Variants in SAMD3 observed in about 807,000 individuals in gnomAD.
SAMD3 encodes the protein sterile alpha motif domain-containing protein 3.
Under a neutral mutation model 58.5 loss-of-function variants are expected in SAMD3, and 63 were observed. The ratio of observed to expected loss-of-function variants is 1.08; its 90% CI spans 0.88 to 1.33. The LOEUF (loss-of-function observed/expected upper bound fraction) is 1.33, where lower values mean the gene tolerates loss of function less well. Ranked by LOEUF, SAMD3 falls within the 40% of genes most tolerant of loss-of-function variation. The pLI is 0.00. For synonymous variants in SAMD3, 220 were observed against 210.3 expected, an observed-to-expected ratio of 1.05 and a Z score of -0.40; for missense variants, 604 against 608.4, an observed-to-expected ratio of 0.99 and a Z score of 0.08.
intron 2 of SAMD3, among the ~76,000 whole-genome samples, chr6:130,277,388 G>T (rs970277040): frequency 1.3e-5 from 2 of 152,234 alleles, no homozygotes; most frequent in Admixed American, 6.5e-5. Context: ...AAGGCTAGAA[G>T]CAAGATGGAG....
chr6:130,154,751 A>G (rs1266383132), intron 9 of SAMD3, 74 bp downstream of exon 9: 4 of 445,326 alleles, frequency 9.0e-6, no homozygotes, highest in Middle Eastern at 6.2e-4. Context: ...ATGTATGTAT[A>G]TATAATATTA....
chr6:130,336,727 AG>A (rs1304160112), intron 1 of SAMD3, among the ~76,000 whole-genome samples: 1 of 152,118 alleles, frequency 6.6e-6, no homozygotes, highest in Non-Finnish European at 1.5e-5. Flanking sequence ...CTTTGCTTTG[AG>A]GGTCAGGGTA....
chr6:130,239,980 T>G (rs1773299380), intron 2 of SAMD3, among the ~76,000 whole-genome samples: 1 of 152,160 alleles, frequency 6.6e-6, no homozygotes, highest in African/African-American at 2.4e-5. Context: ...GGGCAGCCAA[T>G]ATCATGTAAA....
chr6:130,294,907 TGA>T lies in SAMD3; in HGVS notation c.-188+18069_-188+18070del, dbSNP rs140950170. Among the ~76,000 whole-genome samples the T allele has an allele frequency of 5.7e-4, 76 of 134,480 alleles. 1 individual carries two copies. Among genetic ancestry groups the T allele is most frequent in the African/African-American group, 2.3e-3 (71 of 31,370 alleles). The allele number at this position is 134,480 out of a possible 152,430, so 88.2% of individuals were successfully genotyped here. ...TGTCTAATTTTTCCATACATTTCTC[TGA>T]TTTTTTTTTTTTTTTTTTTTTTTTT... On this transcript the variant is annotated intron_variant, in intron 2 of 13. Transcript: ENST00000368134.
chr6:130,242,792 A>G (rs1773408064), intron 2 of SAMD3, among the ~76,000 whole-genome samples: 1 of 152,214 alleles, frequency 6.6e-6, no homozygotes, highest in Non-Finnish European at 1.5e-5. Context: ...ATGTGGGGAA[A>G]TGCAGTTGCC....
Position 130,175,999 on chromosome 6 carries a change from T to C in SAMD3, c.664A>G (p.Lys222Glu). Reference sequence around the variant, plus strand: ...TTAAAGCGATCTTTGAGGGCTCGTTTCCATAAAAACTGTAAAATAAAACAG... The same window carrying C: ...TTAAAGCGATCTTTGAGGGCTCGTTCCCATAAAAACTGTAAAATAAAACAG... ...DEDGCGFFLWKRALKDRFKYV... is the reference protein window; with the variant it reads ...DEDGCGFFLWERALKDRFKYV... The change falls in exon 8 of 12, where the codon AAA becomes GAA. Residue 222 changes from lysine to glutamate, a missense_variant. By Grantham distance (56) the Lys-to-Glu change is moderately conservative. Transcript: ENST00000439090. 2.5e-6 allele frequency: 4 copies of C among 1,612,542 alleles called. No homozygotes were observed. Among genetic ancestry groups the C allele is most frequent in the Non-Finnish European group, 3.4e-6 (4 of 1,179,394 alleles).
At chr6:130,190,715 C>T (rs1793464544) in intron 5 of SAMD3, among the ~76,000 whole-genome samples, 1 of 151,884 alleles carries the variant, frequency 6.6e-6, no homozygotes, top group Non-Finnish European at 1.5e-5. Flanking sequence ...AATTGCAGCT[C>T]CTCACAATTT....
chr6:130,146,182 C>G lies in SAMD3; in HGVS notation c.1024-1G>C. 3 of 1,560,428 alleles carry G rather than the reference C, an allele frequency of 1.9e-6. No homozygotes were observed. The highest frequency in any genetic ancestry group is 2.6e-6 in the Non-Finnish European group (3 of 1,154,708). ...TAAGAAGTTGGAATTCTCTGAACATCTGACAAAAGAAGAAAGCAATGGATA... is the reference window on the plus strand; with the variant it reads ...TAAGAAGTTGGAATTCTCTGAACATGTGACAAAAGAAGAAAGCAATGGATA... On this transcript the variant is annotated splice_acceptor_variant, in intron 9 of 11. Transcript: ENST00000439090. LOFTEE classifies it high-confidence loss of function.
At chr6:130,244,346 C>G (rs1490249300) in intron 2 of SAMD3, among the ~76,000 whole-genome samples, 1 of 152,176 alleles carries the variant, frequency 6.6e-6, no homozygotes, top group Non-Finnish European at 1.5e-5. Context: ...GGCTCAAGGT[C>G]ATATGTCTGG....
Position 130,212,029 on chromosome 6 carries a change from T to A in SAMD3, c.269+2308A>T, listed in dbSNP as rs995569343. Among the ~76,000 whole-genome samples the A allele has an allele frequency of 4.0e-5, 6 of 151,632 alleles. No individual in the cohort carries two copies. In the South Asian group the frequency reaches 1.0e-3, roughly 27 times the overall value. On this transcript the variant is annotated intron_variant, in intron 4 of 11. Coordinates refer to ENST00000439090, the MANE Select transcript of SAMD3 (RefSeq NM_001017373.4). The stretch of plus-strand genomic sequence containing the variant: ...GGGTCAGACAAATCTCCAAGGCTAG[T>A]TGAGGGGCTAATATCATAAGAGGGG...
intron 5 of SAMD3, among the ~76,000 whole-genome samples, chr6:130,191,618 T>C (rs1303414269): frequency 7.1e-6 from 1 of 139,864 alleles, no homozygotes; most frequent in Non-Finnish European, 1.6e-5. Flanking sequence ...AACTGTTGCT[T>C]CCTTCCTTTT....
chr6:130,296,880 G>A (rs1358717575), intron 2 of SAMD3, among the ~76,000 whole-genome samples: 2 of 152,112 alleles, frequency 1.3e-5, no homozygotes, highest in Non-Finnish European at 2.9e-5. Context: ...GGGTGTGATA[G>A]GGAAGTGGAT....
At chr6:130,217,579 G>A (rs1796067614) in intron 1 of SAMD3, among the ~76,000 whole-genome samples, 1 of 152,140 alleles carries the variant, frequency 6.6e-6, no homozygotes, top group Non-Finnish European at 1.5e-5. Flanking sequence ...GCCTAAATAT[G>A]GGCAAGCTTT....
chr6:130,145,315 T>C (rs751064654), intron 11 of SAMD3, 25 bp downstream of exon 11: 1 of 1,197,926 alleles, frequency 8.3e-7, no homozygotes, highest in South Asian at 1.8e-5. Flanking sequence ...AATGTCAAAC[T>C]AGTGGCCATT....
exon 1 of SAMD3, chr6:130,365,161 AATTAGAGACGAC>A: frequency 1.0e-6 from 1 of 985,014 alleles, no homozygotes; most frequent in Non-Finnish European, 1.2e-6. Context: ...GTCTTTGCCG[AATTAGAGACGAC>A]ATATTTTACT....
chr6:130,339,116 A>G (rs1413797236), intron 1 of SAMD3, among the ~76,000 whole-genome samples: 1 of 152,022 alleles, frequency 6.6e-6, no homozygotes, highest in Non-Finnish European at 1.5e-5. Flanking sequence ...GCACAATCTC[A>G]GCTCACTGCA....
intron 5 of SAMD3, among the ~76,000 whole-genome samples, chr6:130,197,937 G>GC (rs1794291808): frequency 6.6e-6 from 1 of 152,032 alleles, no homozygotes; most frequent in African/African-American, 2.4e-5. Context: ...AGTGAAAATG[G>GC]CCTGTTCCTG....
intron 2 of SAMD3, among the ~76,000 whole-genome samples, chr6:130,307,712 GT>G (rs1399186865): frequency 6.6e-6 from 1 of 152,160 alleles, no homozygotes; most frequent in Non-Finnish European, 1.5e-5. Context: ...ATGTCCACAA[GT>G]TAGAATAAGC....
chr6:130,345,123 T>G (rs1253571508), intron 1 of SAMD3, among the ~76,000 whole-genome samples: 1 of 152,182 alleles, frequency 6.6e-6, no homozygotes, highest in Non-Finnish European at 1.5e-5. Context: ...ATGTCTTTAA[T>G]AAATGAGTGT....
Sources: allele counts gnomAD v4.1 joint callset (sites outside exome capture counted in the v4.1 genomes callset), GRCh38; gene constraint gnomAD v4.1.1; transcripts MANE v1.5; gene names NCBI Gene and HGNC (gene_info 2026-07-23, HGNC 2026-07-21).